TBC1D19: variants seen among roughly 807,000 people sequenced by gnomAD.
TBC1D19 encodes TBC1 domain family member 19.
Under a neutral mutation model 89.0 loss-of-function variants are expected in TBC1D19, and 60 were observed. That is an observed-to-expected ratio of 0.67 (90% CI 0.55 to 0.84). The LOEUF (loss-of-function observed/expected upper bound fraction) is 0.84, where lower values mean the gene tolerates loss of function less well. Among genes scored for constraint, TBC1D19 ranks in the 40% least tolerant of loss-of-function variants. The pLI is 0.00. For missense variants in TBC1D19, 500 were observed against 610.8 expected (o/e 0.82, Z 1.91); for synonymous variants, 189 against 199.7 (o/e 0.95, Z 0.45).
At chr4:26,765,013 T>A in the TBC1D19 span, among the ~76,000 whole-genome samples, 1 of 152,072 alleles carries the variant, frequency 6.6e-6, no homozygotes, top group Non-Finnish European at 1.5e-5. Flanking sequence ...GAATCCATGA[T>A]GTTAGATGAA....
At chr4:26,604,109 G>A (rs1006047373) in intron 1 of TBC1D19, among the ~76,000 whole-genome samples, 3 of 146,492 alleles carry the variant, frequency 2.0e-5, no homozygotes, top group Non-Finnish European at 4.5e-5. Flanking sequence ...TATCATGAAC[G>A]TTCATCCATG....
At chr4:26,619,633 A>G (rs909113024) in intron 3 of TBC1D19, among the ~76,000 whole-genome samples, 3 of 152,246 alleles carry the variant, frequency 2.0e-5, no homozygotes, top group Non-Finnish European at 4.4e-5. Context: ...ATATCAAGGT[A>G]TCTAGAGACT....
chr4:26,581,451 C>T (rs1739061069), upstream of TBC1D19, among the ~76,000 whole-genome samples: 1 of 152,194 alleles, frequency 6.6e-6, no homozygotes, highest in Non-Finnish European at 1.5e-5. Context: ...GCTCGACTCC[C>T]ACTTATGAGT....
At chr4:26,627,498 T>C (rs1742499610) in intron 4 of TBC1D19, among the ~76,000 whole-genome samples, 1 of 152,088 alleles carries the variant, frequency 6.6e-6, no homozygotes, top group African/African-American at 2.4e-5. Context: ...TAGTTTACAG[T>C]CCCACCAACA....
At chr4:26,639,849 A>T (rs1470177283) in intron 6 of TBC1D19, among the ~76,000 whole-genome samples, 1 of 152,234 alleles carries the variant, frequency 6.6e-6, no homozygotes, top group Non-Finnish European at 1.5e-5. Context: ...GAGAATTCTC[A>T]TATAGTACCT....
At chr4:26,741,785 G>T (rs114220932) in intron 17 of TBC1D19, among the ~76,000 whole-genome samples, 2 of 152,170 alleles carry the variant, frequency 1.3e-5, no homozygotes, top group Admixed American at 6.5e-5. Flanking sequence ...AAACTCTGAG[G>T]AATGCTAAGC....
chr4:26,656,544 C>G (rs1379007249), intron 7 of TBC1D19, among the ~76,000 whole-genome samples: 1 of 151,168 alleles, frequency 6.6e-6, no homozygotes, highest in Non-Finnish European at 1.5e-5. Flanking sequence ...ATGTCAGTAT[C>G]TAAGTTGGCT....
chr4:26,776,062 A>T, the TBC1D19 span, among the ~76,000 whole-genome samples: 1 of 152,142 alleles, frequency 6.6e-6, no homozygotes, highest in African/African-American at 2.4e-5. Flanking sequence ...AGATGTTCCA[A>T]GTTTATCTTA....
intron 11 of TBC1D19, among the ~76,000 whole-genome samples, chr4:26,679,623 C>T (rs1713155091): frequency 1.3e-5 from 2 of 152,318 alleles, no homozygotes; most frequent in South Asian, 4.1e-4. Context: ...AGCCACCATC[C>T]TCCAGACCCC....
At position 26,670,943 on chromosome 4, in the gene TBC1D19, T is replaced by A. The variant is rs901216811; in HGVS notation, c.665-1206T>A. 2.6e-5 allele frequency among the ~76,000 whole-genome samples: 4 copies of A among 151,244 alleles called. No homozygotes were observed. In the East Asian group the frequency reaches 7.7e-4, roughly 29 times the overall value. On this transcript the variant is annotated intron_variant, in intron 9 of 20. Transcript: ENST00000264866. ...AATCTATTGTATGAATATGCCACTA[T>A]CTAGTATCCTGCTGATGGTATTGAT...
At chr4:26,795,501 G>A in the TBC1D19 span, among the ~76,000 whole-genome samples, 5 of 151,956 alleles carry the variant, frequency 3.3e-5, no homozygotes, top group East Asian at 3.9e-4. Flanking sequence ...GTTCACCATC[G>A]TATCCCCTGG....
At chr4:26,702,769 G>C (rs767427332) in intron 13 of TBC1D19, among the ~76,000 whole-genome samples, 2 of 152,140 alleles carry the variant, frequency 1.3e-5, no homozygotes, top group Non-Finnish European at 2.9e-5. Context: ...CAGTATAGTA[G>C]TATTAACTAT....
At chr4:26,838,504 G>A in the TBC1D19 span, among the ~76,000 whole-genome samples, 10 of 152,116 alleles carry the variant, frequency 6.6e-5, no homozygotes, top group South Asian at 2.1e-4. Context: ...AAAAAGCATC[G>A]CTTGTGTTCT....
At chr4:26,582,606 T>G (rs1739119858), upstream of TBC1D19, among the ~76,000 whole-genome samples, 1 of 152,200 alleles carries the variant, frequency 6.6e-6, no homozygotes, top group Non-Finnish European at 1.5e-5. Flanking sequence ...GGTGGACAGT[T>G]GAGATGGAAG....
chr4:26,674,716 C>T (rs1219587125), intron 11 of TBC1D19, among the ~76,000 whole-genome samples: 1 of 151,790 alleles, frequency 6.6e-6, no homozygotes, highest in Admixed American at 6.6e-5. Context: ...ATCACATAAT[C>T]GTCAGAATTA....
intron 16 of TBC1D19, among the ~76,000 whole-genome samples, chr4:26,739,056 T>A (rs147790424): frequency 6.6e-6 from 1 of 152,210 alleles, no homozygotes; most frequent in South Asian, 2.1e-4. Flanking sequence ...ATCTGCATTA[T>A]AAATTTGTCT....
At chr4:26,812,677 A>C in the TBC1D19 span, among the ~76,000 whole-genome samples, 1 of 152,132 alleles carries the variant, frequency 6.6e-6, no homozygotes, top group African/African-American at 2.4e-5. This position sits in a 1 kb window ranked among gnomAD's most constrained non-coding sequence, Gnocchi z 4.2. Flanking sequence ...TTTGCAAACT[A>C]AATTGCCATC....
intron 7 of TBC1D19, among the ~76,000 whole-genome samples, chr4:26,655,541 C>T (rs1224197889): frequency 2.6e-5 from 4 of 152,196 alleles, no homozygotes; most frequent in Admixed American, 6.5e-5. Context: ...TTCCTGGCTG[C>T]TTTGTTTACC....
intron 1 of TBC1D19, among the ~76,000 whole-genome samples, chr4:26,577,553 A>G (rs1168919781): frequency 1.3e-5 from 2 of 152,226 alleles, no homozygotes; most frequent in African/African-American, 4.8e-5. Context: ...GCAACATATT[A>G]GGTACTAGAC....
Sources: allele counts gnomAD v4.1 joint callset (sites outside exome capture counted in the v4.1 genomes callset), GRCh38; gene constraint gnomAD v4.1.1; non-coding constraint Gnocchi (gnomAD v3.1); transcripts MANE v1.5; gene names NCBI Gene and HGNC (gene_info 2026-07-23, HGNC 2026-07-21).